SLC14A2: variants seen among roughly 807,000 people sequenced by gnomAD.
The protein encoded by SLC14A2 is urea transporter 2.
Under a neutral mutation model 104.6 loss-of-function variants are expected in SLC14A2, and 91 were observed. The observed-to-expected ratio is 0.87, with a 90% CI of 0.73 to 1.04. The LOEUF (loss-of-function observed/expected upper bound fraction) is 1.04, where lower values mean the gene tolerates loss of function less well. Ranked by LOEUF, SLC14A2 falls within the 50% of genes least tolerant of loss-of-function variation. The pLI, the probability that SLC14A2 is intolerant of heterozygous loss-of-function variation, is 0.00. For missense variants in SLC14A2, 1,189 were observed against 1,156.0 expected, an observed-to-expected ratio of 1.03 and a Z score of -0.41; for synonymous variants, 476 against 466.4, an observed-to-expected ratio of 1.02 and a Z score of -0.27.
intron 1 of SLC14A2, among the ~76,000 whole-genome samples, chr18:45,434,927 T>G (rs1409585240): frequency 1.3e-5 from 2 of 152,076 alleles, no homozygotes; most frequent in Non-Finnish European, 2.9e-5. Flanking sequence ...GGATTGAGAG[T>G]GTTTATTGGT....
Position 45,637,907 on chromosome 18 carries a change from G to T in SLC14A2, c.843+725G>T, listed in dbSNP as rs963825747. On this transcript the variant is annotated intron_variant, in intron 6 of 19. Coordinates refer to ENST00000255226, the MANE Select transcript of SLC14A2 (RefSeq NM_007163.4). ...ACACCTGACTGCCCTTCACACCAGG[G>T]TGTCAGCTGCGGCCTGGGAGCAGCG... Among the ~76,000 whole-genome samples, 6 of 152,294 alleles carry T rather than the reference G, an allele frequency of 3.9e-5. 1 individual carries two copies. The highest frequency in any genetic ancestry group is 6.5e-5 in the Admixed American group (1 of 15,296).
chr18:45,682,749 GCTC>G lies in SLC14A2; in HGVS notation c.*232_*234del, dbSNP rs2046330399. 1 of 484,640 alleles carries G rather than the reference GCTC, an allele frequency of 2.1e-6. No homozygotes were observed. The highest frequency in any genetic ancestry group is 3.3e-5 in the Admixed American group (1 of 30,400). 30.0% of individuals were successfully genotyped at this position (484,640 alleles called of 1,614,324 possible). A position where few individuals can be genotyped will look rare whatever the true frequency, so the allele number is the denominator to read the frequency against. Reference sequence around the variant, plus strand: ...TTATACCCTTAGCTTTCCCATAAGAGCTCCCTTTGTGGGGAACTTGCCCTCTTC... The same window carrying G: ...TTATACCCTTAGCTTTCCCATAAGAGCCTTTGTGGGGAACTTGCCCTCTTC... On this transcript the variant is annotated 3_prime_UTR_variant, in exon 20 of 20. Coordinates refer to ENST00000255226, the MANE Select transcript of SLC14A2 (RefSeq NM_007163.4).
chr18:45,367,382 T>C (rs2085676759), intron 1 of SLC14A2, among the ~76,000 whole-genome samples: 1 of 152,150 alleles, frequency 6.6e-6, no homozygotes, highest in South Asian at 2.1e-4. Context: ...TCCTGGGTTT[T>C]TAGGTTCTCA....
chr18:45,316,417 G>A (rs1227912025), intron 1 of SLC14A2, among the ~76,000 whole-genome samples: 1 of 152,154 alleles, frequency 6.6e-6, no homozygotes, highest in African/African-American at 2.4e-5. Flanking sequence ...GACCCAGAGG[G>A]GAAGGTGAAG....
chr18:45,333,784 G>A (rs1008322895), intron 1 of SLC14A2, among the ~76,000 whole-genome samples: 15 of 152,198 alleles, frequency 9.9e-5, no homozygotes, highest in African/African-American at 2.9e-4. Flanking sequence ...AGAGGATCTT[G>A]ACTCCATTCA....
intron 1 of SLC14A2, among the ~76,000 whole-genome samples, chr18:45,451,109 A>G (rs1471994561): frequency 1.3e-5 from 2 of 152,224 alleles, no homozygotes; most frequent in Admixed American, 6.5e-5. Context: ...GCTTTCCACA[A>G]TTGATGCTGA....
chr18:45,632,145 T>G (rs62090575), intron 4 of SLC14A2, among the ~76,000 whole-genome samples: 99 of 113,564 alleles, frequency 8.7e-4, no homozygotes, highest in African/African-American at 1.1e-3. Context: ...GTGTGTGTGT[T>G]TGTGTGTGTG....
At chr18:45,230,236 C>T (rs2084161061) in intron 1 of SLC14A2, among the ~76,000 whole-genome samples, 1 of 152,214 alleles carries the variant, frequency 6.6e-6, no homozygotes. Flanking sequence ...AAAATAACCA[C>T]AAGCTTGGTG....
At chr18:45,449,997 G>C (rs569570567) in intron 1 of SLC14A2, among the ~76,000 whole-genome samples, 4 of 152,142 alleles carry the variant, frequency 2.6e-5, no homozygotes, top group Admixed American at 1.3e-4. Flanking sequence ...AGCTGGCATC[G>C]GTCCCATGAA....
At chr18:45,213,203 T>G (rs971624051) in intron 1 of SLC14A2, 1 of 152,220 alleles carries the variant, frequency 6.6e-6, no homozygotes, top group Non-Finnish European at 1.5e-5. Flanking sequence ...TGAGTTGCCC[T>G]GCATCATTTA....
intron 1 of SLC14A2, among the ~76,000 whole-genome samples, chr18:45,386,022 GTTGT>G: frequency 6.6e-6 from 1 of 152,298 alleles, no homozygotes; most frequent in South Asian, 2.1e-4. Context: ...CTATTTGAAG[GTTGT>G]TTGGGCCAGA....
At chr18:45,349,602 A>G (rs1172713580) in intron 1 of SLC14A2, among the ~76,000 whole-genome samples, 1 of 152,204 alleles carries the variant, frequency 6.6e-6, no homozygotes, top group African/African-American at 2.4e-5. Context: ...GCACTGGGCA[A>G]TTCAATTCTC....
At chr18:45,557,797 T>C (rs1175685720) in intron 2 of SLC14A2, among the ~76,000 whole-genome samples, 1 of 152,166 alleles carries the variant, frequency 6.6e-6, no homozygotes, top group African/African-American at 2.4e-5. Context: ...TTCTTGCCCA[T>C]TTAATTAATC....
intron 1 of SLC14A2, among the ~76,000 whole-genome samples, chr18:45,264,731 G>T (rs950284441): frequency 6.6e-6 from 1 of 152,094 alleles, no homozygotes; most frequent in Non-Finnish European, 1.5e-5. Flanking sequence ...GGAGGAAACG[G>T]CCTCCATGAT....
chr18:45,351,976 T>C (rs1213549813), intron 1 of SLC14A2, among the ~76,000 whole-genome samples: 9 of 152,190 alleles, frequency 5.9e-5, no homozygotes, highest in Admixed American at 5.9e-4. Flanking sequence ...AGACAGATAT[T>C]AGGTCAATGT....
At chr18:45,251,832 T>C (rs538987064) in intron 1 of SLC14A2, among the ~76,000 whole-genome samples, 2 of 152,200 alleles carry the variant, frequency 1.3e-5, no homozygotes, top group African/African-American at 4.8e-5. Flanking sequence ...CTTCAACATA[T>C]GAATTTTGGG....
intron 1 of SLC14A2, among the ~76,000 whole-genome samples, chr18:45,452,093 T>C (rs1043388679): frequency 2.0e-5 from 3 of 152,154 alleles, no homozygotes; most frequent in African/African-American, 4.8e-5. Flanking sequence ...TGGTCACATG[T>C]CCCTTTGACA....
chr18:45,290,137 A>G (rs1420939971), intron 1 of SLC14A2, among the ~76,000 whole-genome samples: 1 of 151,998 alleles, frequency 6.6e-6, no homozygotes, highest in Middle Eastern at 3.2e-3. Flanking sequence ...TTTCGGGGGC[A>G]TATGTGCAGG....
chr18:45,492,956 G>C (rs73955837), intron 2 of SLC14A2: 1 of 152,146 alleles, frequency 6.6e-6, no homozygotes, highest in Non-Finnish European at 1.5e-5. Context: ...TTACTGCAGG[G>C]ATTTGGGTCT....
Sources: gnomAD v4.1 joint callset for allele counts (sites outside exome capture counted in the v4.1 genomes callset) on GRCh38, gnomAD v4.1.1 for gene constraint, MANE v1.5 for transcripts, NCBI Gene and HGNC (gene_info 2026-07-23, HGNC 2026-07-21) for gene names.